The following GRID2 variants were observed in gnomAD, a reference collection of about 807,000 sequenced individuals.
GRID2 encodes glutamate ionotropic receptor delta type subunit 2, also known as glutamate receptor ionotropic, delta-2.
A neutral mutation model predicts 114.8 loss-of-function variants in GRID2; 33 were observed. The observed-to-expected ratio is 0.29, with a 90% CI of 0.22 to 0.38. GRID2 has a LOEUF of 0.38. GRID2 is among the 10% of genes least tolerant of loss of function. GRID2 has a pLI of 1.00. For synonymous variants in GRID2, 505 were observed against 449.9 expected (o/e 1.12, Z -1.55); for missense variants, 1,184 against 1,257.7 (o/e 0.94, Z 0.89).
At chr4:92,621,631 C>A (rs568433129) in intron 2 of GRID2, among the ~76,000 whole-genome samples, 2 of 151,320 alleles carry the variant, frequency 1.3e-5, no homozygotes, top group Non-Finnish European at 3.0e-5. Flanking sequence ...CTGCACTTAG[C>A]GCAGGGCAAA....
intron 8 of GRID2, among the ~76,000 whole-genome samples, chr4:93,286,756 C>T (rs1753215257): frequency 6.8e-6 from 1 of 146,706 alleles, no homozygotes; most frequent in Admixed American, 6.7e-5. Context: ...TATCTTAATC[C>T]AACCAGAATT....
intron 1 of GRID2, among the ~76,000 whole-genome samples, chr4:92,514,513 T>A (rs1724411771): frequency 1.3e-5 from 2 of 151,862 alleles, no homozygotes; most frequent in African/African-American, 4.8e-5. Flanking sequence ...GCTGTGAAAA[T>A]CTAATGTTAC....
chr4:93,619,011 C>A (rs1303695415), intron 13 of GRID2, among the ~76,000 whole-genome samples: 1 of 152,052 alleles, frequency 6.6e-6, no homozygotes, highest in Non-Finnish European at 1.5e-5. Flanking sequence ...TAGAGGTGGG[C>A]ATAACACTTC....
intron 1 of GRID2, among the ~76,000 whole-genome samples, chr4:92,460,063 A>ACTT (rs1721423075): frequency 4.0e-5 from 1 of 25,182 alleles, no homozygotes; most frequent in Non-Finnish European, 7.8e-5. Flanking sequence ...TACACACACA[A>ACTT]CTTTTTGGTT....
chr4:92,944,052 A>G (rs925984747), intron 2 of GRID2, among the ~76,000 whole-genome samples: 41 of 152,140 alleles, frequency 2.7e-4, no homozygotes, highest in African/African-American at 7.0e-4. Context: ...TGAGGAGGCA[A>G]TCTGTCCATT....
intron 2 of GRID2, among the ~76,000 whole-genome samples, chr4:92,977,172 A>T (rs553785500): frequency 6.6e-6 from 1 of 152,192 alleles, no homozygotes; most frequent in South Asian, 2.1e-4. Flanking sequence ...TAAAATATGT[A>T]CTATGCAGGA....
At chr4:92,942,425 G>A (rs1751228716) in intron 2 of GRID2, among the ~76,000 whole-genome samples, 1 of 152,158 alleles carries the variant, frequency 6.6e-6, no homozygotes, top group Non-Finnish European at 1.5e-5. Flanking sequence ...TTGCTTGGCA[G>A]ATCTTCCTCC....
chr4:92,427,672 C>T (rs1241910364), intron 1 of GRID2, among the ~76,000 whole-genome samples: 2 of 152,052 alleles, frequency 1.3e-5, no homozygotes, highest in African/African-American at 2.4e-5. Context: ...AAAATAGCAA[C>T]AAAATGTTAA....
At chr4:92,844,013 CATTG>C (rs1743108190) in intron 2 of GRID2, among the ~76,000 whole-genome samples, 1 of 152,010 alleles carries the variant, frequency 6.6e-6, no homozygotes, top group African/African-American at 2.4e-5. Context: ...TATCAAATCC[CATTG>C]ATTAATATCA....
chr4:93,518,029 G>A (rs1397882365), intron 13 of GRID2, among the ~76,000 whole-genome samples: 1 of 132,238 alleles, frequency 7.6e-6, no homozygotes, highest in Non-Finnish European at 1.5e-5. Flanking sequence ...ACATGTACAT[G>A]TATGTATATA....
Position 92,783,603 on chromosome 4 carries a change from G to T in GRID2, c.244+193317G>T, listed in dbSNP as rs138182871. Among the ~76,000 whole-genome samples, 191 of 152,038 alleles carry T rather than the reference G, an allele frequency of 1.3e-3. 2 individuals are homozygous for T. Among genetic ancestry groups the T allele is most frequent in the African/African-American group, 4.1e-3 (170 of 41,502 alleles). On this transcript the variant is annotated intron_variant, in intron 2 of 15. Coordinates refer to ENST00000282020, the MANE Select transcript of GRID2 (RefSeq NM_001510.4). ...TAGCTCTAAAACAAATACACAAAAG[G>T]CCAGAGTTGGTGGCTTATACCTCTA...
At chr4:93,442,884 C>T (rs2149394337) in intron 10 of GRID2, among the ~76,000 whole-genome samples, 1 of 152,062 alleles carries the variant, frequency 6.6e-6, no homozygotes, top group Middle Eastern at 3.4e-3. Flanking sequence ...CACCCCTTTC[C>T]CCCATCCTTG....
chr4:93,432,873 G>T, intron 10 of GRID2, among the ~76,000 whole-genome samples: 1 of 152,040 alleles, frequency 6.6e-6, no homozygotes, highest in East Asian at 1.9e-4. Context: ...ACCAATCTGA[G>T]CAACATAGAG....
chr4:93,490,550 C>A, intron 11 of GRID2, 89 bp from the exon 12 acceptor site: 1 of 919,102 alleles, frequency 1.1e-6, no homozygotes, highest in Non-Finnish European at 1.7e-6. Context: ...TCACTACTTG[C>A]AAGTTAATTT....
chr4:92,626,120 T>C (rs1048923883), intron 2 of GRID2, among the ~76,000 whole-genome samples: 1 of 152,070 alleles, frequency 6.6e-6, no homozygotes, highest in Middle Eastern at 3.4e-3. Context: ...AGTAACTCAA[T>C]CACTCATTTA....
At chr4:92,327,681 T>C (rs1726670269) in intron 1 of GRID2, among the ~76,000 whole-genome samples, 1 of 151,998 alleles carries the variant, frequency 6.6e-6, no homozygotes, top group African/African-American at 2.4e-5. Flanking sequence ...ATTTCAACTG[T>C]TATAGTTTCA....
At chr4:93,216,663 A>G in intron 5 of GRID2, 75 bp from the exon 6 acceptor site, 1 of 935,600 alleles carries the variant, frequency 1.1e-6, no homozygotes, top group Non-Finnish European at 1.7e-6. Flanking sequence ...ACATTTACAG[A>G]TAACAACTCA....
intron 8 of GRID2, among the ~76,000 whole-genome samples, chr4:93,315,230 T>A (rs756251034): frequency 3.3e-5 from 5 of 152,106 alleles, no homozygotes; most frequent in Non-Finnish European, 7.3e-5. Context: ...TCCAATCACT[T>A]TTCTCCCTCC....
chr4:92,802,046 C>G (rs1740199038), intron 2 of GRID2, among the ~76,000 whole-genome samples: 1 of 151,660 alleles, frequency 6.6e-6, no homozygotes, highest in Admixed American at 6.6e-5. Context: ...TTTATTAATT[C>G]TTATGCTGTT....
Sources: gnomAD v4.1 joint callset for allele counts (sites outside exome capture counted in the v4.1 genomes callset) on GRCh38, gnomAD v4.1.1 for gene constraint, MANE v1.5 for transcripts, NCBI Gene and HGNC (gene_info 2026-07-23, HGNC 2026-07-21) for gene names.